The following SLC7A6 variants were observed in gnomAD, a reference collection of about 807,000 sequenced individuals.
SLC7A6 encodes the protein solute carrier family 7 member 6, also known as Y+L amino acid transporter 2.
In SLC7A6, 29 loss-of-function variants were observed where a neutral mutation model predicts 46.6. The observed-to-expected ratio is 0.62, with a 90% CI of 0.46 to 0.85. The LOEUF (loss-of-function observed/expected upper bound fraction) is 0.85. Among genes scored for constraint, SLC7A6 ranks in the 40% least tolerant of loss-of-function variants. The probability of loss-of-function intolerance (pLI) is 0.00; values close to 1 mark genes in which losing one functional copy is unlikely to be tolerated. For missense variants in SLC7A6, 527 were observed against 647.6 expected, an observed-to-expected ratio of 0.81 and a Z score of 2.02; for synonymous variants, 276 against 257.3, an observed-to-expected ratio of 1.07 and a Z score of -0.70.
In SLC7A6 at chr16:68,264,840, C is replaced by G. The variant is rs1386517293; in HGVS notation, c.-166+264C>G. ...GCGAGCCCCGGAGGCTGATGGTGAC[C>G]GCGAGGGAGCCAGTCTTGGGGTGTG... On this transcript the variant is annotated intron_variant, in intron 1 of 10. Transcript: ENST00000219343. The surrounding 1 kb of genome is among the most constrained non-coding windows in gnomAD (Gnocchi z 5.8). The G allele has an allele frequency of 1.3e-5, 2 of 152,430 alleles. No individual in the cohort carries two copies. The highest frequency in any genetic ancestry group is 2.1e-4 in the South Asian group (1 of 4,836). The allele number at this position is 152,430 out of a possible 1,614,324, so 9.4% of individuals were successfully genotyped here. A position where few individuals can be genotyped will look rare whatever the true frequency, so the allele number is the denominator to read the frequency against.
chr16:68,301,407 T>C lies in SLC7A6; in HGVS notation c.*4079T>C. 6.2e-7 allele frequency: 1 copy of C among 1,613,064 alleles called. No homozygotes were observed. The highest frequency in any genetic ancestry group is 2.2e-5 in the East Asian group (1 of 44,818). On this transcript the variant is annotated 3_prime_UTR_variant, in exon 11 of 11. Transcript: ENST00000219343. ...TCAGGCTGTTGTAGTCAGCAGAGCC[T>C]AGAATGACATCCCGGGAGTGGATTC... is the stretch of plus-strand genomic sequence containing the variant.
Position 68,274,825 on chromosome 16 carries a change from A to T in SLC7A6, c.99A>T (p.Gln33His). The T allele has an allele frequency of 6.2e-7, 1 of 1,614,136 alleles. No homozygotes were observed. Among genetic ancestry groups the T allele is most frequent in the South Asian group, 1.1e-5 (1 of 91,078 alleles). ...AAGAAGATGTCAGCTCGCCACCTCA[A>T]AGGTCCTCCGAAACTATGCAGCTGA... ...QVEEDVSSPP[Q>H]RSSETMQLKK... The change falls in exon 3 of 11, where the codon CAA becomes CAT. Residue 33 changes from glutamine (Q) to histidine (H), a missense_variant. Coordinates refer to ENST00000219343, the MANE Select transcript of SLC7A6 (RefSeq NM_003983.6).
At chr16:68,284,744 C>A in intron 3 of SLC7A6, 1 of 553,780 alleles carries the variant, frequency 1.8e-6, no homozygotes, top group Non-Finnish European at 2.3e-6. Flanking sequence ...GTCAGACAGT[C>A]TCTTTCTCCA....
chr16:68,300,679 C>A lies in SLC7A6; in HGVS notation c.*3351C>A. The A allele has an allele frequency of 1.0e-6, 1 of 985,358 alleles. No individual in the cohort carries two copies. Among genetic ancestry groups the A allele is most frequent in the Non-Finnish European group, 1.2e-6 (1 of 829,940 alleles). 61.0% of individuals were successfully genotyped at this position (985,358 alleles called of 1,614,324 possible). Reference sequence around the variant, plus strand: ...ACATTCATATATATTGTTTCTTGGCCCCACTGCCAAAGGAAGTCAGTCAGT... The same window carrying A: ...ACATTCATATATATTGTTTCTTGGCACCACTGCCAAAGGAAGTCAGTCAGT... On this transcript the variant is annotated 3_prime_UTR_variant, in exon 11 of 11. Transcript: ENST00000219343.
rs1329451374 is a variant in SLC7A6, at chr16:68,297,260, CT to C, written c.1483del (p.Cys495AlafsTer5). 2 of 1,614,034 alleles carry C rather than the reference CT, an allele frequency of 1.2e-6. No homozygotes were observed. The highest frequency in any genetic ancestry group is 2.7e-5 in the African/African-American group (2 of 74,924). On this transcript the variant is annotated frameshift_variant, in exon 11 of 11. Transcript: ENST00000219343. LOFTEE classifies it high-confidence loss of function. ...LAAITRGTQQ[L>X]CFCVLTELDV... ...TGCTATCACCAGAGGCACCCAGCAG[CT>C]TTGCTTTTGTGTCCTGACTGAGCTT...
intron 4 of SLC7A6, among the ~76,000 whole-genome samples, chr16:68,289,560 T>C (rs1000109266): frequency 6.6e-6 from 1 of 152,180 alleles, no homozygotes; most frequent in African/African-American, 2.4e-5. Context: ...CAGCTCTTTT[T>C]ACCACATGAG....
chr16:68,301,520 G>T lies in SLC7A6; in HGVS notation c.*4192G>T. On this transcript the variant is annotated 3_prime_UTR_variant, in exon 11 of 11. Transcript: ENST00000219343. The stretch of plus-strand genomic sequence containing the variant: ...TTCCCGATTGTAATGCAAAATCCTT[G>T]CTCAATAAATAAAAAAGAATATAGA... 1.3e-6 allele frequency: 1 copy of T among 776,264 alleles called. No individual in the cohort carries two copies. The highest frequency in any genetic ancestry group is 2.0e-6 in the Non-Finnish European group (1 of 512,482). 48.1% of individuals were successfully genotyped at this position (776,264 alleles called of 1,614,324 possible).
intron 2 of SLC7A6, among the ~76,000 whole-genome samples, chr16:68,270,667 C>A (rs2042609407): frequency 6.6e-6 from 1 of 152,196 alleles, no homozygotes; most frequent in Non-Finnish European, 1.5e-5. Context: ...CCCACTGCCA[C>A]AGGTGAGCCA....
chr16:68,270,861 ATTTTT>A (rs11301249), intron 2 of SLC7A6, among the ~76,000 whole-genome samples: 1 of 142,888 alleles, frequency 7.0e-6, no homozygotes, highest in Admixed American at 7.0e-5. Flanking sequence ...TTTATATTGG[ATTTTT>A]TTTTTTTTTT....
chr16:68,293,829 A>C (rs74024439), intron 7 of SLC7A6, among the ~76,000 whole-genome samples: 1,648 of 152,336 alleles, frequency 0.011, 32 homozygotes, highest in African/African-American at 0.038. Flanking sequence ...CCTCAAGCCT[A>C]GCGAGTGAGT....
intron 4 of SLC7A6, 64 bp from the exon 5 acceptor site, chr16:68,290,332 C>G: frequency 6.4e-7 from 1 of 1,566,266 alleles, no homozygotes; most frequent in Non-Finnish European, 8.7e-7. Context: ...CTCCCATCTC[C>G]TCTTCCTTTC....
At chr16:68,288,693 C>T (rs543526926) in intron 4 of SLC7A6, among the ~76,000 whole-genome samples, 2 of 152,036 alleles carry the variant, frequency 1.3e-5, no homozygotes, top group South Asian at 2.1e-4. Flanking sequence ...TGGCCCGGCA[C>T]GGTGGCTCAC....
In SLC7A6 at chr16:68,301,510, C is replaced by CAA. The variant is rs1361081912; in HGVS notation, c.*4185_*4186dup. The CAA allele has an allele frequency of 1.1e-6, 1 of 879,544 alleles. No individual in the cohort carries two copies. The highest frequency in any genetic ancestry group is 2.7e-5 in the East Asian group (1 of 36,504). 54.5% of individuals were successfully genotyped at this position (879,544 alleles called of 1,614,324 possible). On this transcript the variant is annotated 3_prime_UTR_variant, in exon 11 of 11. Transcript: ENST00000219343. ...TCTGTTTTTGTTCCCGATTGTAATG[C>CAA]AAAATCCTTGCTCAATAAATAAAAA...
chr16:68,291,783 G>T (rs2043057730), intron 7 of SLC7A6, 122 bp downstream of exon 7: 11 of 724,238 alleles, frequency 1.5e-5, no homozygotes, highest in Middle Eastern at 2.5e-4. Context: ...GTGTGTGTGT[G>T]TGTGTGTGTG....
chr16:68,290,843 C>T, intron 5 of SLC7A6: 1 of 484,650 alleles, frequency 2.1e-6, no homozygotes, highest in Non-Finnish European at 3.7e-6. Flanking sequence ...CTGGTGCTGA[C>T]ACTACAGCCC....
At chr16:68,268,489 CA>C (rs763340922) in intron 2 of SLC7A6, among the ~76,000 whole-genome samples, 33 of 152,264 alleles carry the variant, frequency 2.2e-4, no homozygotes, top group Non-Finnish European at 3.7e-4. Flanking sequence ...TTAGTCATTA[CA>C]AAAATTTTGG....
Position 68,297,228 on chromosome 16 carries a change from AT to A in SLC7A6, c.1454-3del. 6.2e-7 allele frequency: 1 copy of A among 1,613,444 alleles called. No individual in the cohort carries two copies. The highest frequency in any genetic ancestry group is 8.5e-7 in the Non-Finnish European group (1 of 1,179,704). ...TAAACCCTGTGCTTGCTCTATTTTC[AT>A]TTAGCTGCTATCACCAGAGGCACCC... On this transcript the variant is annotated splice_region_variant and splice_polypyrimidine_tract_variant and intron_variant, in intron 10 of 10. Transcript: ENST00000219343.
intron 1 of SLC7A6, among the ~76,000 whole-genome samples, chr16:68,265,982 CG>C (rs1304669219): frequency 6.6e-6 from 1 of 152,120 alleles, no homozygotes; most frequent in Non-Finnish European, 1.5e-5. Context: ...TTATGCAGGC[CG>C]GGCGCGGTGG....
intron 3 of SLC7A6, among the ~76,000 whole-genome samples, chr16:68,278,483 G>C (rs2042759880): frequency 6.6e-6 from 1 of 150,428 alleles, no homozygotes; most frequent in African/African-American, 2.5e-5. Context: ...TTGTGTCCCT[G>C]GGTACTTGAG....
Sources: allele counts gnomAD v4.1 joint callset (sites outside exome capture counted in the v4.1 genomes callset), GRCh38; gene constraint gnomAD v4.1.1; non-coding constraint Gnocchi (gnomAD v3.1); transcripts MANE v1.5; gene names NCBI Gene and HGNC (gene_info 2026-07-23, HGNC 2026-07-21).